The following RUNX1 variants were observed in gnomAD, a reference collection of about 807,000 sequenced individuals.
RUNX1 encodes the protein runt-related transcription factor 1.
In RUNX1, 19 loss-of-function variants were observed where a neutral mutation model predicts 42.8. That is an observed-to-expected ratio of 0.44 (90% CI 0.31 to 0.65). RUNX1 has a LOEUF of 0.65. Among genes scored for constraint, RUNX1 ranks in the 30% least tolerant of loss-of-function variants. The pLI is 0.07. For synonymous variants in RUNX1, 271 were observed against 289.4 expected, an observed-to-expected ratio of 0.94 and a Z score of 0.64; for missense variants, 528 against 672.0, an observed-to-expected ratio of 0.79 and a Z score of 2.37.
At chr21:34,888,332 C>A in intron 3 of RUNX1, 3 of 1,067,712 alleles carry the variant, frequency 2.8e-6, no homozygotes, top group Non-Finnish European at 3.4e-6. Context: ...GCACGCACAT[C>A]CTGCCACGCA....
chr21:34,977,583 A>C (rs2058812402), intron 2 of RUNX1, among the ~76,000 whole-genome samples: 1 of 152,266 alleles, frequency 6.6e-6, no homozygotes, highest in South Asian at 2.1e-4. Flanking sequence ...TTTCAATCCC[A>C]AAACATACTT....
chr21:35,034,620 G>C (rs2242895), intron 2 of RUNX1, among the ~76,000 whole-genome samples: 53,576 of 152,058 alleles, frequency 0.35, 9,794 homozygotes, highest in African/African-American at 0.39. Context: ...GGAGGGAAGG[G>C]TTGTCACTAG....
chr21:34,944,245 A>G (rs1056280415), intron 2 of RUNX1, among the ~76,000 whole-genome samples: 1 of 152,202 alleles, frequency 6.6e-6, no homozygotes, highest in African/African-American at 2.4e-5. Context: ...CCTGGACTCA[A>G]GCAGTCCTCC....
chr21:35,033,102 T>C (rs529812400), intron 2 of RUNX1, among the ~76,000 whole-genome samples: 1 of 150,232 alleles, frequency 6.7e-6, no homozygotes, highest in Admixed American at 6.6e-5. Context: ...CATCAATTTG[T>C]CCATCTGTCC....
chr21:34,961,357 A>AAATAAT (rs149477951), intron 2 of RUNX1, among the ~76,000 whole-genome samples: 9 of 151,418 alleles, frequency 5.9e-5, no homozygotes, highest in African/African-American at 2.2e-4. Context: ...CTCTATCTCA[A>AAATAAT]AATAATAATA....
intron 2 of RUNX1, among the ~76,000 whole-genome samples, chr21:35,000,236 C>CT (rs397866864): frequency 0.038 from 4,205 of 110,894 alleles, 166 homozygotes; most frequent in Middle Eastern, 0.045. Flanking sequence ...TTCTTTCTTT[C>CT]TTTTTTTTTT....
intron 2 of RUNX1, among the ~76,000 whole-genome samples, chr21:34,911,275 G>A (rs990633013): frequency 3.9e-5 from 6 of 152,088 alleles, no homozygotes; most frequent in African/African-American, 1.2e-4. Flanking sequence ...AATCAATGTC[G>A]ACAATACATT....
At chr21:34,851,109 A>G (rs1471191914) in intron 6 of RUNX1, among the ~76,000 whole-genome samples, 1 of 152,150 alleles carries the variant, frequency 6.6e-6, no homozygotes, top group Non-Finnish European at 1.5e-5. Flanking sequence ...GGAGACCTCA[A>G]CCCCTAGTCT....
intron 7 of RUNX1, chr21:34,821,703 G>T: frequency 6.4e-7 from 1 of 1,565,722 alleles, no homozygotes; most frequent in East Asian, 2.3e-5. Context: ...TCCTCTGAGG[G>T]AGCCATGTGT....
chr21:34,843,489 A>G lies in RUNX1; in HGVS notation c.614-8888T>C. 6.6e-6 allele frequency among the ~76,000 whole-genome samples: 1 copy of G among 152,126 alleles called. No homozygotes were observed. The highest frequency in any genetic ancestry group is 1.9e-4 in the East Asian group (1 of 5,192). On this transcript the variant is annotated intron_variant, in intron 6 of 8. Coordinates refer to ENST00000675419, the MANE Select transcript of RUNX1 (RefSeq NM_001754.5). This position sits in a 1 kb window ranked among gnomAD's most constrained non-coding sequence, Gnocchi z 4.8. ...CATACACACATATACACATACATAC[A>G]TATACATCCATCACACATCCATACA...
intron 2 of RUNX1, among the ~76,000 whole-genome samples, chr21:34,927,294 C>T (rs368494586): frequency 1.7e-4 from 26 of 152,266 alleles, no homozygotes; most frequent in East Asian, 9.6e-4. Flanking sequence ...CCACACTCCA[C>T]GTAACACAGA....
chr21:34,906,859 C>T (rs1010620891), intron 2 of RUNX1, among the ~76,000 whole-genome samples: 1 of 152,102 alleles, frequency 6.6e-6, no homozygotes, highest in African/African-American at 2.4e-5. Context: ...ATTTCAATGC[C>T]TTTCCAGAAT....
rs772889171 is a variant in RUNX1 at position 34,834,487 on chromosome 21, G to A, written c.728C>T (p.Pro243Leu). ...GGCACGAGGGTTGGGCGTGGGGGCT[G>A]GGTGGTGTGGGCTGACCCTCATGGC... ...RTAMRVSPHHPAPTPNPRASL... is the reference protein window; with the variant it reads ...RTAMRVSPHHLAPTPNPRASL... The change falls in exon 7 of 9, where the codon CCA becomes CTA. Residue 243 changes from proline (P) to leucine (L), a missense_variant. Around this residue, in one of 3 missense-constraint regions of RUNX1, gnomAD observed 331 missense variants for 382.5 expected, o/e 0.87. Coordinates refer to ENST00000675419, the MANE Select transcript of RUNX1 (RefSeq NM_001754.5). The A allele has an allele frequency of 1.2e-6, 2 of 1,613,406 alleles. No individual in the cohort carries two copies. Among genetic ancestry groups the A allele is most frequent in the Non-Finnish European group, 1.7e-6 (2 of 1,179,770 alleles).
chr21:34,860,574 TTC>T (rs1157222665), intron 5 of RUNX1, among the ~76,000 whole-genome samples: 1 of 152,174 alleles, frequency 6.6e-6, no homozygotes, highest in East Asian at 1.9e-4. Context: ...TTTATTTCTC[TTC>T]TCTGTTTCTC....
chr21:34,977,129 C>T (rs1874172172), intron 2 of RUNX1, among the ~76,000 whole-genome samples: 1 of 152,202 alleles, frequency 6.6e-6, no homozygotes, highest in African/African-American at 2.4e-5. Context: ...TGCCGTTTTA[C>T]TGACTATGGC....
At chr21:34,817,182 T>A (rs578087510) in intron 7 of RUNX1, among the ~76,000 whole-genome samples, 1 of 152,244 alleles carries the variant, frequency 6.6e-6, no homozygotes, top group Admixed American at 6.5e-5. Flanking sequence ...TAGAGGGGAT[T>A]CAAACTCAGG....
intron 8 of RUNX1, among the ~76,000 whole-genome samples, chr21:34,795,213 G>T (rs1040652605): frequency 3.3e-5 from 5 of 152,186 alleles, no homozygotes; most frequent in African/African-American, 1.2e-4. Context: ...AGAGCCAAAA[G>T]CTTGCTCTGA....
At chr21:34,905,405 C>T (rs56802287) in intron 2 of RUNX1, among the ~76,000 whole-genome samples, 2,138 of 152,240 alleles carry the variant, frequency 0.014, 29 homozygotes, top group Middle Eastern at 0.082. Flanking sequence ...TTAACCCCTC[C>T]GTTACTGGGA....
intron 2 of RUNX1, among the ~76,000 whole-genome samples, chr21:34,972,296 T>C (rs1043108894): frequency 6.6e-6 from 1 of 152,192 alleles, no homozygotes; most frequent in African/African-American, 2.4e-5. Flanking sequence ...CAATATTCTA[T>C]GGCAAAACAT....
Sources: allele counts gnomAD v4.1 joint callset (sites outside exome capture counted in the v4.1 genomes callset), GRCh38; gene constraint gnomAD v4.1.1; regional missense constraint gnomAD v4.1.1; non-coding constraint Gnocchi (gnomAD v3.1); transcripts MANE v1.5; gene names NCBI Gene and HGNC (gene_info 2026-07-23, HGNC 2026-07-21).